Variants in ARHGAP24 observed in about 807,000 individuals in gnomAD.
The protein encoded by ARHGAP24 is Rho GTPase activating protein 24.
A neutral mutation model predicts 76.4 loss-of-function variants in ARHGAP24; 50 were observed. The observed-to-expected ratio is 0.65, with a 90% CI of 0.52 to 0.83. The LOEUF is 0.83. Ranked by LOEUF, ARHGAP24 falls within the 40% of genes least tolerant of loss-of-function variation. The pLI, the probability that ARHGAP24 is intolerant of heterozygous loss-of-function variation, is 0.00. For missense variants in ARHGAP24, 930 were observed against 914.2 expected, an observed-to-expected ratio of 1.02 and a Z score of -0.22; for synonymous variants, 345 against 323.3, an observed-to-expected ratio of 1.07 and a Z score of -0.72.
intron 2 of ARHGAP24, among the ~76,000 whole-genome samples, chr4:85,694,213 GTCAGCCATCTTGTCCCT>G (rs1443028950): frequency 2.0e-5 from 3 of 151,980 alleles, no homozygotes; most frequent in Non-Finnish European, 4.4e-5. Flanking sequence ...TGTGCATCTA[GTCAGCCATCTTGTCCCT>G]TCTCTTCAGC....
chr4:85,880,122 A>G (rs1025759622), intron 3 of ARHGAP24, among the ~76,000 whole-genome samples: 1 of 152,234 alleles, frequency 6.6e-6, no homozygotes, highest in South Asian at 2.1e-4. Flanking sequence ...TTTCTAAATT[A>G]GGCACAGTAG....
At chr4:85,554,441 G>A (rs1726268984) in intron 1 of ARHGAP24, among the ~76,000 whole-genome samples, 1 of 152,038 alleles carries the variant, frequency 6.6e-6, no homozygotes, top group South Asian at 2.1e-4. Flanking sequence ...CAAGGACACT[G>A]GTGAATTATA....
chr4:85,771,149 A>G (rs1209977401), intron 3 of ARHGAP24, among the ~76,000 whole-genome samples: 1 of 152,210 alleles, frequency 6.6e-6, no homozygotes. Flanking sequence ...AACAAAACCA[A>G]AAGGAGATAT....
chr4:85,990,572 T>C (rs1740262549), intron 8 of ARHGAP24: 2 of 151,842 alleles, frequency 1.3e-5, no homozygotes, highest in Non-Finnish European at 3.0e-5. Flanking sequence ...GCTATTGATA[T>C]AAAGATGGAC....
At chr4:85,839,038 A>G (rs1023306279) in intron 3 of ARHGAP24, among the ~76,000 whole-genome samples, 6 of 152,242 alleles carry the variant, frequency 3.9e-5, no homozygotes, top group African/African-American at 1.2e-4. Context: ...ATTACCTTAG[A>G]TGGCATCTAA....
chr4:85,651,364 T>G (rs1284141331), intron 2 of ARHGAP24, among the ~76,000 whole-genome samples: 1 of 149,118 alleles, frequency 6.7e-6, no homozygotes, highest in African/African-American at 2.6e-5. Context: ...AAAATGTGAA[T>G]AGATTTATGA....
At chr4:85,682,680 C>T (rs535314787) in intron 2 of ARHGAP24, among the ~76,000 whole-genome samples, 67 of 152,332 alleles carry the variant, frequency 4.4e-4, no homozygotes, top group African/African-American at 1.3e-3. Context: ...ATTACTGCCA[C>T]TTTATGCGGT....
intron 1 of ARHGAP24, among the ~76,000 whole-genome samples, chr4:85,520,608 T>C (rs1316826996): frequency 2.0e-5 from 3 of 152,158 alleles, no homozygotes; most frequent in Non-Finnish European, 2.9e-5. Context: ...TTCCTACTTA[T>C]GCTACAATAA....
intron 6 of ARHGAP24, among the ~76,000 whole-genome samples, chr4:85,973,152 A>C (rs1041779091): frequency 6.6e-6 from 1 of 152,164 alleles, no homozygotes; most frequent in African/African-American, 2.4e-5. Flanking sequence ...TCCCACCAGC[A>C]ATGAGCGCAG....
intron 3 of ARHGAP24, among the ~76,000 whole-genome samples, chr4:85,813,877 G>A (rs1729121828): frequency 6.8e-6 from 1 of 146,446 alleles, no homozygotes; most frequent in Admixed American, 6.9e-5. Context: ...CCATTTTCAT[G>A]CTGCTGATAA....
chr4:85,829,902 A>G (rs887998631), intron 3 of ARHGAP24, among the ~76,000 whole-genome samples: 1 of 152,190 alleles, frequency 6.6e-6, no homozygotes, highest in African/African-American at 2.4e-5. Context: ...AAAGCCTTTA[A>G]TAGTGTCTGT....
At chr4:85,809,064 T>C (rs568427427) in intron 3 of ARHGAP24, among the ~76,000 whole-genome samples, 5 of 152,306 alleles carry the variant, frequency 3.3e-5, no homozygotes, top group East Asian at 1.9e-4. Context: ...TACTCACACC[T>C]GTTAAAGTTT....
At chr4:85,949,572 A>G (rs1452017199) in intron 5 of ARHGAP24, among the ~76,000 whole-genome samples, 6 of 152,156 alleles carry the variant, frequency 3.9e-5, no homozygotes, top group African/African-American at 9.7e-5. Context: ...GCTCCTCCCT[A>G]TAGCTGATGG....
At chr4:85,730,753 A>G (rs1725369836) in intron 3 of ARHGAP24, among the ~76,000 whole-genome samples, 1 of 147,310 alleles carries the variant, frequency 6.8e-6, no homozygotes, top group African/African-American at 2.6e-5. Context: ...GAAAATAACA[A>G]TACATTATTT....
intron 2 of ARHGAP24, among the ~76,000 whole-genome samples, chr4:85,602,664 A>G (rs1720072326): frequency 6.6e-6 from 1 of 152,210 alleles, no homozygotes; most frequent in Non-Finnish European, 1.5e-5. Flanking sequence ...AGGAAATAGA[A>G]TAGTGATGGA....
At chr4:85,610,478 A>AAAAAAAAC (rs1720345141) in intron 2 of ARHGAP24, among the ~76,000 whole-genome samples, 1 of 150,664 alleles carries the variant, frequency 6.6e-6, no homozygotes, top group Non-Finnish European at 1.5e-5. Context: ...AAAAAAAAAA[A>AAAAAAAAC]AAAAGAAAGC....
intron 1 of ARHGAP24, among the ~76,000 whole-genome samples, chr4:85,505,337 C>T (rs1724001187): frequency 6.6e-6 from 1 of 152,206 alleles, no homozygotes; most frequent in Non-Finnish European, 1.5e-5. Flanking sequence ...GTTCCATTCT[C>T]CCTGTCACTT....
At chr4:85,523,423 A>G (rs933191340) in intron 1 of ARHGAP24, among the ~76,000 whole-genome samples, 1 of 152,134 alleles carries the variant, frequency 6.6e-6, no homozygotes. Context: ...CAAAGAAGGT[A>G]GATCAATTTT....
intron 3 of ARHGAP24, among the ~76,000 whole-genome samples, chr4:85,817,518 A>G (rs1178397880): frequency 1.3e-5 from 2 of 152,190 alleles, no homozygotes; most frequent in East Asian, 1.9e-4. Flanking sequence ...ATGAGAAGTA[A>G]GTGCTGGGTG....
Sources: gnomAD v4.1 joint callset for allele counts (sites outside exome capture counted in the v4.1 genomes callset) on GRCh38, gnomAD v4.1.1 for gene constraint, MANE v1.5 for transcripts, NCBI Gene and HGNC (gene_info 2026-07-23, HGNC 2026-07-21) for gene names.